The following PTPRG variants were observed in gnomAD, a reference collection of about 807,000 sequenced individuals.
The protein encoded by PTPRG is protein tyrosine phosphatase receptor type G.
Under a neutral mutation model 165.3 loss-of-function variants are expected in PTPRG, and 102 were observed. That is an observed-to-expected ratio of 0.62 (90% CI 0.53 to 0.73). The LOEUF (loss-of-function observed/expected upper bound fraction) is 0.73. Ranked by LOEUF, PTPRG falls within the 30% of genes least tolerant of loss-of-function variation. The pLI is 0.00. For missense variants in PTPRG, 1,866 were observed against 1,861.4 expected (o/e 1.00, Z -0.05); for synonymous variants, 675 against 669.5 (o/e 1.01, Z -0.13).
intron 1 of PTPRG, among the ~76,000 whole-genome samples, chr3:61,647,527 A>T (rs1039747715): frequency 6.6e-6 from 1 of 152,156 alleles, no homozygotes; most frequent in Non-Finnish European, 1.5e-5. Context: ...ACAGTGGCTC[A>T]CGCCTGTAAT....
intron 1 of PTPRG, among the ~76,000 whole-genome samples, chr3:61,597,387 T>C (rs1054903552): frequency 6.6e-6 from 1 of 152,198 alleles, no homozygotes; most frequent in African/African-American, 2.4e-5. Context: ...ATCCTTGGAT[T>C]TTGATCTGCT....
chr3:61,841,407 C>G (rs1369497321), intron 2 of PTPRG, among the ~76,000 whole-genome samples: 4 of 152,182 alleles, frequency 2.6e-5, no homozygotes, highest in East Asian at 3.9e-4. Context: ...TTTCTTGTTT[C>G]TTTTAAAAGA....
intron 2 of PTPRG, among the ~76,000 whole-genome samples, chr3:61,812,785 G>T (rs1324689503): frequency 6.6e-6 from 1 of 152,206 alleles, no homozygotes; most frequent in Non-Finnish European, 1.5e-5. Flanking sequence ...CTCTGATGCA[G>T]TTAAGAGTGT....
chr3:61,573,639 G>C (rs1463942388), intron 1 of PTPRG, among the ~76,000 whole-genome samples: 3 of 152,188 alleles, frequency 2.0e-5, no homozygotes, highest in Non-Finnish European at 4.4e-5. Flanking sequence ...TTTGAGGGCA[G>C]GACCACATTC....
At chr3:61,897,912 C>T (rs886936662) in intron 2 of PTPRG, among the ~76,000 whole-genome samples, 8 of 151,956 alleles carry the variant, frequency 5.3e-5, no homozygotes, top group African/African-American at 1.9e-4. Flanking sequence ...ATTCTGTAAC[C>T]TTACTGAACT....
chr3:62,086,436 C>G (rs942024465), intron 5 of PTPRG, among the ~76,000 whole-genome samples: 4 of 152,174 alleles, frequency 2.6e-5, no homozygotes, highest in African/African-American at 9.6e-5. Flanking sequence ...ATTTTTGAGT[C>G]TGAGAAAATT....
At chr3:61,989,576 T>A in intron 2 of PTPRG, 49 bp from the exon 3 acceptor site, 1 of 1,565,822 alleles carries the variant, frequency 6.4e-7, no homozygotes, top group Non-Finnish European at 8.7e-7. Context: ...ATTCATTTCA[T>A]CCCTGACCCT....
At position 61,598,072 on chromosome 3, in the gene PTPRG, C is replaced by T. The variant is rs115501841; in HGVS notation, c.85+35700C>T. On this transcript the variant is annotated intron_variant, in intron 1 of 29. Transcript: ENST00000474889. Reference sequence around the variant, plus strand: ...TTTTGAACATGCTTGTTTTGAAACTCGGCTACCTCTGTTCAGGGTTGACCG... The same window carrying T: ...TTTTGAACATGCTTGTTTTGAAACTTGGCTACCTCTGTTCAGGGTTGACCG... 5.0e-3 allele frequency among the ~76,000 whole-genome samples: 763 copies of T among 152,206 alleles called. 6 individuals carry two copies. Among genetic ancestry groups the T allele is most frequent in the African/African-American group, 0.017 (720 of 41,528 alleles).
chr3:61,692,204 A>G (rs1369445209), intron 1 of PTPRG, among the ~76,000 whole-genome samples: 1 of 152,258 alleles, frequency 6.6e-6, no homozygotes, highest in African/African-American at 2.4e-5. Context: ...CGTAAGTTGC[A>G]AATAGCATTC....
intron 1 of PTPRG, among the ~76,000 whole-genome samples, chr3:61,743,749 A>G (rs1482497034): frequency 6.6e-6 from 1 of 152,240 alleles, no homozygotes; most frequent in African/African-American, 2.4e-5. Context: ...ATGTGTGCAT[A>G]ACACCATGTC....
chr3:61,766,908 T>TCGC (rs987284254), intron 2 of PTPRG, among the ~76,000 whole-genome samples: 9 of 150,026 alleles, frequency 6.0e-5, no homozygotes, highest in African/African-American at 2.2e-4. Context: ...GCATGAGCCA[T>TCGC]CGCGCCCAGC....
intron 2 of PTPRG, among the ~76,000 whole-genome samples, chr3:61,825,202 T>A (rs1174464488): frequency 6.6e-6 from 1 of 152,248 alleles, no homozygotes; most frequent in Non-Finnish European, 1.5e-5. Flanking sequence ...TCAGTAATTC[T>A]GCACATTCAT....
At chr3:61,724,677 T>G (rs758207918) in intron 1 of PTPRG, among the ~76,000 whole-genome samples, 1 of 152,148 alleles carries the variant, frequency 6.6e-6, no homozygotes, top group Non-Finnish European at 1.5e-5. Flanking sequence ...TTTTTTATTT[T>G]AGCGATTCTG....
intron 2 of PTPRG, among the ~76,000 whole-genome samples, chr3:61,786,729 A>G (rs2034716640): frequency 6.6e-6 from 1 of 150,998 alleles, no homozygotes; most frequent in Non-Finnish European, 1.5e-5. Flanking sequence ...GAAATGACAT[A>G]TGTCTATCAA....
intron 4 of PTPRG, among the ~76,000 whole-genome samples, chr3:62,010,685 A>G (rs962954861): frequency 4.6e-5 from 7 of 152,214 alleles, no homozygotes; most frequent in Admixed American, 4.6e-4. Flanking sequence ...TAAAACTATA[A>G]AGACATCTTG....
rs1445282898 is a variant in PTPRG, at chr3:62,277,084, TA to T, written c.3636+39del. 68 of 1,553,014 alleles carry T rather than the reference TA, an allele frequency of 4.4e-5. 1 individual carries two copies. The highest frequency in any genetic ancestry group is 1.9e-4 in the Admixed American group (11 of 59,194). ...ACAGTTAATTATAAATAAAGTCAACTAAACTGAAAGGTGTTAAAGAGCAGAT... is the reference window on the plus strand; with the variant it reads ...ACAGTTAATTATAAATAAAGTCAACTAACTGAAAGGTGTTAAAGAGCAGAT... On this transcript the variant is annotated intron_variant, in intron 25 of 29. Transcript: ENST00000474889.
At chr3:62,032,705 G>A (rs1306529353) in intron 4 of PTPRG, among the ~76,000 whole-genome samples, 2 of 152,150 alleles carry the variant, frequency 1.3e-5, no homozygotes, top group African/African-American at 2.4e-5. Flanking sequence ...AACGCCTAAC[G>A]TGATTTAAAT....
intron 2 of PTPRG, among the ~76,000 whole-genome samples, chr3:61,796,943 A>G (rs575086613): frequency 5.3e-4 from 81 of 152,314 alleles, no homozygotes; most frequent in African/African-American, 1.9e-3. Flanking sequence ...TCATGAAACC[A>G]TTGTGTTCAT....
At chr3:61,562,415 C>G in intron 1 of PTPRG, 43 bp downstream of exon 1, 1 of 1,592,184 alleles carries the variant, frequency 6.3e-7, no homozygotes, top group South Asian at 1.1e-5. Context: ...GGCCGGCGCG[C>G]GTTGGGGATG....
Sources: gnomAD v4.1 joint callset for allele counts (sites outside exome capture counted in the v4.1 genomes callset) on GRCh38, gnomAD v4.1.1 for gene constraint, MANE v1.5 for transcripts, NCBI Gene and HGNC (gene_info 2026-07-23, HGNC 2026-07-21) for gene names.